L1CAM: variants seen among roughly 807,000 people sequenced by gnomAD.
L1CAM encodes neural cell adhesion molecule L1.
L1CAM carries 8 observed loss-of-function variants against 93.0 expected under a neutral mutation model. That is an observed-to-expected ratio of 0.09 (90% CI 0.05 to 0.16). The LOEUF (loss-of-function observed/expected upper bound fraction) is 0.16. Among genes scored for constraint, L1CAM ranks in the 10% least tolerant of loss-of-function variants. L1CAM has a pLI of 1.00. For missense variants in L1CAM, 777 were observed against 1,073.4 expected (o/e 0.72, Z 3.86); for synonymous variants, 453 against 453.0 (o/e 1.00, Z 0.00).
In L1CAM at chrX:153,868,377, A is replaced by G. The variant is rs782608461; in HGVS notation, c.1628T>C (p.Phe543Ser). 5.8e-6 allele frequency: 7 copies of G among 1,211,394 alleles called. No homozygotes were observed. The South Asian group carries it at 1.2e-4, about 21-fold the overall frequency. Residue 543 changes from phenylalanine to serine, a missense_variant, in exon 14 of 29, where the codon TTT (phenylalanine) becomes TCT (serine). Around this residue, in one of 5 missense-constraint regions of L1CAM, gnomAD observed 574 missense variants for 781.0 expected, o/e 0.73. Transcript: ENST00000370060. ...GATGCTGGGCTGCAAGGAGGGGTCA[A>G]AGGAGGCCTGGCACGTGAAGGTCAC... ...SRVTFTCQASFDPSLQPSITW... is the reference protein window; with the variant it reads ...SRVTFTCQASSDPSLQPSITW...
chrX:153,872,005 G>T, intron 5 of L1CAM, 147 bp downstream of exon 5: 3 of 497,819 alleles, frequency 6.0e-6, no homozygotes, highest in Non-Finnish European at 1.1e-5. Flanking sequence ...AAACAAGATG[G>T]GCCAGGGGAG....
At chrX:153,870,694 A>T in intron 7 of L1CAM, 96 bp downstream of exon 7, 1 of 969,876 alleles carries the variant, frequency 1.0e-6, no homozygotes, top group Non-Finnish European at 1.5e-6. Context: ...GCTGTTCTTG[A>T]GGAAGCCTGG....
chrX:153,871,320 A>G, intron 5 of L1CAM, 141 bp from the exon 6 acceptor site: 1 of 552,834 alleles, frequency 1.8e-6, no homozygotes, highest in Non-Finnish European at 3.0e-6. Flanking sequence ...GAAACTTCAC[A>G]GAAAAGGAGG....
chrX:153,880,929 C>T (rs957682330), intron 1 of L1CAM, among the ~76,000 whole-genome samples: 2 of 111,810 alleles, frequency 1.8e-5, no homozygotes, highest in South Asian at 3.8e-4. Flanking sequence ...AGGCTTCAGT[C>T]TCCAAGGCAA....
chrX:153,869,721 C>CTCACCCTCAA (rs2064749831), intron 10 of L1CAM, 58 bp from the exon 11 acceptor site: 1 of 1,199,299 alleles, frequency 8.3e-7, no homozygotes, highest in Non-Finnish European at 1.1e-6. Context: ...TGCGTTGAGG[C>CTCACCCTCAA]CCTTCCTCAC....
At chrX:153,884,482 T>C (rs1160447910) in intron 1 of L1CAM, 1 of 241,800 alleles carries the variant, frequency 4.1e-6, no homozygotes, top group East Asian at 1.1e-4. Flanking sequence ...ATTTCTTTTG[T>C]TCTTTTCTGT....
chrX:153,872,820 G>T (rs2064784499), intron 3 of L1CAM, 123 bp from the exon 4 acceptor site: 1 of 576,452 alleles, frequency 1.7e-6, no homozygotes. Flanking sequence ...GGCCACAGGG[G>T]GACGAACGGA....
rs201978087 is a variant in L1CAM, at chrX:153,872,167, G to T, written c.385C>A (p.Arg129=). The change falls in exon 5 of 29, where the codon CGG becomes AGG. Residue 129 remains arginine, a synonymous_variant. Transcript: ENST00000370060. ...CGCCTCGCACCCTCGGCCATGAGCC[G>T]GATCTCATGGGACATGGCGGTGCCC... The part of the protein sequence containing the change: ...KLGTAMSHEI[R]LMAEGAPKWP... The T allele has an allele frequency of 5.0e-6, 6 of 1,207,176 alleles. No individual in the cohort carries two copies. Among genetic ancestry groups the T allele is most frequent in the East Asian group, 3.0e-5 (1 of 33,750 alleles).
Position 153,869,644 on chromosome X carries a change from C to T in L1CAM, c.1143G>A (p.Lys381=), listed in dbSNP as rs1185735801. The part of the protein sequence containing the change: ...IPVEELAKDQ[K]YRIQRGALIL... ...TCAGGGCGCCACGCTGAATCCGGTA[C>T]TTCTGGTCTTTGGCCAGCTCTGTGC... Residue 381 remains lysine, a synonymous_variant, in exon 11 of 29, where the codon AAG becomes AAA. Coordinates refer to ENST00000370060, the MANE Select transcript of L1CAM (RefSeq NM_001278116.2). The T allele has an allele frequency of 2.5e-6, 3 of 1,207,249 alleles. No homozygotes were observed. The highest frequency in any genetic ancestry group is 3.4e-6 in the Non-Finnish European group (3 of 893,706).
In L1CAM at chrX:153,874,075, C is replaced by G. The variant is rs191134962; in HGVS notation, c.77-833G>C. Among the ~76,000 whole-genome samples the G allele has an allele frequency of 4.5e-5, 5 of 112,346 alleles. No individual in the cohort carries two copies. The Admixed American group carries it at 4.7e-4, about 10-fold the overall frequency. On this transcript the variant is annotated intron_variant, in intron 2 of 28. Transcript: ENST00000370060. ...CCTGAGCTGGGGAGGGAGATGGTGA[C>G]AGGGATGACAGGATGCAGAAAGCCA...
intron 1 of L1CAM, chrX:153,885,820 G>GC: frequency 1.5e-6 from 1 of 689,056 alleles, no homozygotes; most frequent in Non-Finnish European, 1.7e-6. Flanking sequence ...CAGCATCTGG[G>GC]GCCCCGCAGG....
Position 153,862,367 on chromosome X carries a change from G to A in L1CAM, c.*296C>T, listed in dbSNP as rs1171072626. 6 of 310,710 alleles carry A rather than the reference G, an allele frequency of 1.9e-5. No individual in the cohort carries two copies. The highest frequency in any genetic ancestry group is 1.3e-4 in the South Asian group (1 of 7,784). The allele number at this position is 310,710 out of a possible 1,213,427, so 25.6% of individuals were successfully genotyped here. ...AAGACAGCATTTCGGAGACCCTTTC[G>A]GGCCACCCCTACTTCTTCTCCCCCA... On this transcript the variant is annotated 3_prime_UTR_variant, in exon 29 of 29. Transcript: ENST00000370060.
intron 19 of L1CAM, 118 bp downstream of exon 19, chrX:153,866,531 G>T: frequency 1.9e-6 from 1 of 518,802 alleles, no homozygotes; most frequent in Non-Finnish European, 3.3e-6. Context: ...CTCTGGTTAT[G>T]TAAGAGAATA....
rs201766114 is a variant in L1CAM at position 153,871,044 on chromosome X, C to T, written c.523+13G>A. On this transcript the variant is annotated intron_variant, in intron 6 of 28. Transcript: ENST00000370060. ...ACCCCGACCCCACGAGGCAGCCGCT[C>T]GCCGGCACCCACTGCTGTTCATCCA... is the stretch of plus-strand genomic sequence containing the variant. The T allele has an allele frequency of 3.6e-5, 43 of 1,209,139 alleles. No homozygotes were observed. Among genetic ancestry groups the T allele is most frequent in the Non-Finnish European group, 4.7e-5 (42 of 895,065 alleles).
In L1CAM at chrX:153,864,467, A is replaced by G; in HGVS notation, c.3177T>C (p.Gly1059=). The stretch of plus-strand genomic sequence containing the variant: ...CATACTGTGGCGAAAGGGAAGCCCC[A>G]CCCTTCTCTTCTGCCAGGGAGAGAG... The part of the protein sequence containing the change: ...ILFKALGEEK[G]GASLSPQYVS... The change falls in exon 25 of 29, where the codon GGT becomes GGC. Residue 1059 remains glycine (G), a synonymous_variant. Coordinates refer to ENST00000370060, the MANE Select transcript of L1CAM (RefSeq NM_001278116.2). 1 of 1,209,836 alleles carries G rather than the reference A, an allele frequency of 8.3e-7. No individual in the cohort carries two copies. The highest frequency in any genetic ancestry group is 1.1e-6 in the Non-Finnish European group (1 of 894,014).
At chrX:153,866,957 A>G in intron 18 of L1CAM, 86 bp from the exon 19 acceptor site, 1 of 1,123,851 alleles carries the variant, frequency 8.9e-7, no homozygotes, top group Non-Finnish European at 1.2e-6. Flanking sequence ...CAGCATCCCC[A>G]GACATCAGCC....
chrX:153,871,850 C>A (rs2064772465), intron 5 of L1CAM, among the ~76,000 whole-genome samples: 1 of 104,071 alleles, frequency 9.6e-6, no homozygotes, highest in Non-Finnish European at 2.0e-5. Context: ...AGTCACTCCC[C>A]CCACCAGCCC....
At position 153,868,961 on chromosome X, in the gene L1CAM, G is replaced by A. The variant is rs1404028209; in HGVS notation, c.1268-9C>T. On this transcript the variant is annotated splice_polypyrimidine_tract_variant and intron_variant, in intron 11 of 28. Transcript: ENST00000370060. ...GATCTTGGCTGGCAGCTCTAGGGGA[G>A]GAACAGCCTCAGGAGACAGGGCAGG... 8.5e-7 allele frequency: 1 copy of A among 1,182,303 alleles called. No individual in the cohort carries two copies.
chrX:153,876,055 C>A, intron 1 of L1CAM, 111 bp from the exon 2 acceptor site: 1 of 456,523 alleles, frequency 2.2e-6, no homozygotes, highest in Non-Finnish European at 3.9e-6. Context: ...CGCCCTCAGC[C>A]CCGCCCCCAG....
Sources: gnomAD v4.1 joint callset for allele counts (sites outside exome capture counted in the v4.1 genomes callset) on GRCh38, gnomAD v4.1.1 for gene constraint, gnomAD v4.1.1 regional missense constraint, MANE v1.5 for transcripts, NCBI Gene and HGNC (gene_info 2026-07-23, HGNC 2026-07-21) for gene names.